Variants in CACNA2D3 observed in about 807,000 individuals in gnomAD.
CACNA2D3 encodes voltage-dependent calcium channel subunit alpha-2/delta-3.
In CACNA2D3, 60 loss-of-function variants were observed where a neutral mutation model predicts 160.6. That is an observed-to-expected ratio of 0.37 (90% CI 0.30 to 0.46). CACNA2D3 has a LOEUF of 0.46. Among genes scored for constraint, CACNA2D3 ranks in the 20% least tolerant of loss-of-function variants. The probability of loss-of-function intolerance (pLI) is 1.00; values close to 1 mark genes in which losing one functional copy is unlikely to be tolerated. For missense variants in CACNA2D3, 1,205 were observed against 1,365.0 expected (o/e 0.88, Z 1.85); for synonymous variants, 558 against 492.9 (o/e 1.13, Z -1.75).
chr3:54,968,382 C>G (rs1412075141), intron 27 of CACNA2D3, 68 bp from the exon 28 acceptor site: 3 of 1,064,732 alleles, frequency 2.8e-6, no homozygotes, highest in East Asian at 2.5e-5. Flanking sequence ...GGATAATTTT[C>G]AACGATAATC....
intron 2 of CACNA2D3, among the ~76,000 whole-genome samples, chr3:54,183,354 C>T (rs1466566850): frequency 6.6e-6 from 1 of 151,578 alleles, no homozygotes; most frequent in African/African-American, 2.4e-5. Flanking sequence ...TTTGTGGTGG[C>T]CTGCCCTCTT....
At chr3:55,074,061 G>A (rs1202209181) in intron 37 of CACNA2D3, 53 bp from the exon 38 acceptor site, 1 of 1,455,636 alleles carries the variant, frequency 6.9e-7, no homozygotes, top group East Asian at 2.3e-5. Context: ...GGGGAAAGTT[G>A]AAGGTGTCCT....
intron 2 of CACNA2D3, among the ~76,000 whole-genome samples, chr3:54,315,621 A>G (rs1170023643): frequency 6.6e-6 from 1 of 152,188 alleles, no homozygotes; most frequent in Admixed American, 6.5e-5. Flanking sequence ...CCCTCCAACG[A>G]ATTGACCTTC....
intron 2 of CACNA2D3, among the ~76,000 whole-genome samples, chr3:54,128,254 T>G (rs1025052352): frequency 2.0e-5 from 3 of 151,936 alleles, no homozygotes; most frequent in African/African-American, 7.2e-5. Context: ...GGGCCTGAGC[T>G]GACACAGTTA....
intron 6 of CACNA2D3, among the ~76,000 whole-genome samples, chr3:54,567,698 G>T (rs995174004): frequency 3.3e-5 from 5 of 152,104 alleles, no homozygotes; most frequent in Non-Finnish European, 5.9e-5. Context: ...ACCACACCTG[G>T]CTAATTGTTG....
At chr3:54,293,563 T>TTATATATATATATATATA (rs35283142) in intron 2 of CACNA2D3, among the ~76,000 whole-genome samples, 2 of 149,722 alleles carry the variant, frequency 1.3e-5, no homozygotes, top group South Asian at 4.2e-4. Context: ...TAATATTCTA[T>TTATATATATATATATATA]TATATATATA....
At chr3:54,442,873 T>C (rs1700166056) in intron 4 of CACNA2D3, among the ~76,000 whole-genome samples, 1 of 152,174 alleles carries the variant, frequency 6.6e-6, no homozygotes, top group Non-Finnish European at 1.5e-5. Flanking sequence ...CATGAGTCGC[T>C]ATTTGAGATG....
intron 5 of CACNA2D3, among the ~76,000 whole-genome samples, chr3:54,540,393 A>G (rs932589247): frequency 2.6e-5 from 4 of 152,198 alleles, no homozygotes; most frequent in African/African-American, 9.7e-5. Context: ...ATAAAGCTAA[A>G]TATAATTTGC....
At chr3:54,481,896 A>G (rs571400082) in intron 4 of CACNA2D3, among the ~76,000 whole-genome samples, 3 of 152,354 alleles carry the variant, frequency 2.0e-5, no homozygotes, top group Non-Finnish European at 4.4e-5. Flanking sequence ...CAGAAATTTC[A>G]TTAAGTGATG....
At chr3:54,258,445 C>T (rs1702341994) in intron 2 of CACNA2D3, among the ~76,000 whole-genome samples, 1 of 152,094 alleles carries the variant, frequency 6.6e-6, no homozygotes, top group South Asian at 2.1e-4. Flanking sequence ...AAGGCAGTGT[C>T]AGATAGTGTT....
At chr3:54,805,824 T>A (rs914240286) in intron 13 of CACNA2D3, among the ~76,000 whole-genome samples, 25 of 152,224 alleles carry the variant, frequency 1.6e-4, no homozygotes, top group African/African-American at 5.5e-4. Context: ...GCAAACTGAA[T>A]CCAGCAGCAC....
rs372310889 is a variant in CACNA2D3 at position 54,326,342 on chromosome 3, T to G, written c.321+5784T>G. Among the ~76,000 whole-genome samples, 9 of 152,368 alleles carry G rather than the reference T, an allele frequency of 5.9e-5. No individual in the cohort carries two copies. The South Asian group carries it at 1.7e-3, about 28-fold the overall frequency. ...CAACTTTCTTGGAATGTTTTTTGAC[T>G]GGTGCCTGTCTACATATGTATGACT... On this transcript the variant is annotated intron_variant, in intron 3 of 37. Coordinates refer to ENST00000474759, the MANE Select transcript of CACNA2D3 (RefSeq NM_018398.3).
intron 17 of CACNA2D3, among the ~76,000 whole-genome samples, chr3:54,846,705 G>A (rs961775482): frequency 2.6e-5 from 4 of 152,122 alleles, no homozygotes; most frequent in Non-Finnish European, 2.9e-5. Context: ...ATGTGTATAT[G>A]CATTTATTTA....
chr3:54,456,691 T>A (rs1700402839), intron 4 of CACNA2D3, among the ~76,000 whole-genome samples: 1 of 151,950 alleles, frequency 6.6e-6, no homozygotes, highest in South Asian at 2.1e-4. Context: ...TTGGCATTAG[T>A]TTTTCTTTAA....
chr3:54,746,039 A>G (rs1383312256), intron 11 of CACNA2D3, among the ~76,000 whole-genome samples: 1 of 152,034 alleles, frequency 6.6e-6, no homozygotes. Flanking sequence ...TTCCTTCTGG[A>G]TAAGGATGTT....
At chr3:54,479,933 C>G (rs1356145006) in intron 4 of CACNA2D3, among the ~76,000 whole-genome samples, 3 of 152,118 alleles carry the variant, frequency 2.0e-5, no homozygotes, top group Admixed American at 6.5e-5. Context: ...CTGTTTTACC[C>G]TTTTGGAGTT....
At chr3:54,932,513 G>C (rs1018681065) in intron 27 of CACNA2D3, among the ~76,000 whole-genome samples, 16 of 152,174 alleles carry the variant, frequency 1.1e-4, no homozygotes, top group African/African-American at 3.9e-4. Context: ...TAAGAAGCAA[G>C]TAAAGGCACA....
intron 3 of CACNA2D3, among the ~76,000 whole-genome samples, chr3:54,357,529 A>T (rs896237736): frequency 6.6e-6 from 1 of 152,226 alleles, no homozygotes; most frequent in African/African-American, 2.4e-5. Context: ...TTATGGGACT[A>T]CACATACTCT....
At chr3:54,940,693 T>C (rs1701443205) in intron 27 of CACNA2D3, among the ~76,000 whole-genome samples, 1 of 151,780 alleles carries the variant, frequency 6.6e-6, no homozygotes, top group South Asian at 2.1e-4. Flanking sequence ...AATAAGGCTG[T>C]TGTATGAAAA....
Sources: gnomAD v4.1 joint callset for allele counts (sites outside exome capture counted in the v4.1 genomes callset) on GRCh38, gnomAD v4.1.1 for gene constraint, MANE v1.5 for transcripts, NCBI Gene and HGNC (gene_info 2026-07-23, HGNC 2026-07-21) for gene names.